Variants in PLXNA2 observed in about 807,000 individuals in gnomAD.
PLXNA2 encodes the protein plexin-A2.
In PLXNA2, 91 loss-of-function variants were observed where a neutral mutation model predicts 193.5. The ratio of observed to expected loss-of-function variants is 0.47; its 90% CI spans 0.40 to 0.56. The LOEUF is 0.56. Ranked by LOEUF, PLXNA2 falls within the 20% of genes least tolerant of loss-of-function variation. PLXNA2 has a pLI of 0.00. For synonymous variants in PLXNA2, 997 were observed against 1,027.3 expected, an observed-to-expected ratio of 0.97 and a Z score of 0.56; for missense variants, 1,995 against 2,503.2, an observed-to-expected ratio of 0.80 and a Z score of 4.33.
chr1:208,232,791 C>T (rs1035569038), intron 1 of PLXNA2, among the ~76,000 whole-genome samples: 3 of 152,194 alleles, frequency 2.0e-5, no homozygotes, highest in Non-Finnish European at 4.4e-5. Flanking sequence ...GCACCCTGCT[C>T]GGTGGAGACT....
chr1:208,132,281 G>A (rs1668180643), intron 4 of PLXNA2, among the ~76,000 whole-genome samples: 1 of 152,208 alleles, frequency 6.6e-6, no homozygotes, highest in Admixed American at 6.5e-5. Flanking sequence ...AGCCCAGAAA[G>A]CCGCCTCTGA....
intron 3 of PLXNA2, among the ~76,000 whole-genome samples, chr1:208,155,502 A>G (rs1346971625): frequency 6.6e-6 from 1 of 152,134 alleles, no homozygotes. Context: ...TTTTTCTCTT[A>G]AAAGAGTGCT....
chr1:208,027,971 G>T (rs781587107), intron 31 of PLXNA2, 38 bp downstream of exon 31: 1 of 1,521,498 alleles, frequency 6.6e-7, no homozygotes, highest in South Asian at 1.3e-5. Flanking sequence ...CCTGCTCCTT[G>T]CCTGTTGGTT....
Position 208,024,175 on chromosome 1 carries a change from T to C in PLXNA2, c.*3068A>G, listed in dbSNP as rs1340663957. ...ATCAATGAAACGAAGCGAAGCTGGA[T>C]AGACTTTGGAGAGAGACTTCCCTCT... On this transcript the variant is annotated 3_prime_UTR_variant, in exon 32 of 32. Coordinates refer to ENST00000367033, the MANE Select transcript of PLXNA2 (RefSeq NM_025179.4). 2 of 152,258 alleles carry C rather than the reference T, an allele frequency of 1.3e-5. No individual in the cohort carries two copies. The highest frequency in any genetic ancestry group is 2.9e-5 in the Non-Finnish European group (2 of 68,062). The allele number at this position is 152,258 out of a possible 1,614,324, so 9.4% of individuals were successfully genotyped here.
intron 3 of PLXNA2, among the ~76,000 whole-genome samples, chr1:208,161,729 C>G (rs1299156278): frequency 6.6e-6 from 1 of 152,136 alleles, no homozygotes; most frequent in Non-Finnish European, 1.5e-5. Flanking sequence ...AGAAGTGGTC[C>G]TGTTACTCTC....
chr1:208,120,244 CA>C (rs1260853967), intron 4 of PLXNA2, among the ~76,000 whole-genome samples: 1 of 152,092 alleles, frequency 6.6e-6, no homozygotes, highest in Non-Finnish European at 1.5e-5. Flanking sequence ...AAGAGCATAA[CA>C]AAGATGTGAA....
At chr1:208,208,964 T>G (rs1305078510) in intron 3 of PLXNA2, among the ~76,000 whole-genome samples, 1 of 152,176 alleles carries the variant, frequency 6.6e-6, no homozygotes, top group Non-Finnish European at 1.5e-5. Flanking sequence ...AAGCCACTTT[T>G]AAATCTTAGC....
intron 3 of PLXNA2, among the ~76,000 whole-genome samples, chr1:208,193,305 G>A (rs1429093167): frequency 6.6e-6 from 1 of 152,182 alleles, no homozygotes; most frequent in Non-Finnish European, 1.5e-5. Flanking sequence ...ATAGCCCTAG[G>A]GCCCCTTGGT....
intron 3 of PLXNA2, among the ~76,000 whole-genome samples, chr1:208,151,997 G>C (rs892606828): frequency 6.6e-6 from 1 of 152,208 alleles, no homozygotes; most frequent in African/African-American, 2.4e-5. Context: ...GACAAAGAAG[G>C]CCACCTGCAG....
intron 9 of PLXNA2, 46 bp from the exon 10 acceptor site, chr1:208,084,626 G>C: frequency 3.8e-6 from 6 of 1,576,262 alleles, no homozygotes; most frequent in Non-Finnish European, 5.2e-6. Context: ...TGTTCATGCT[G>C]TCCTATGTGC....
At chr1:208,210,147 C>T in intron 3 of PLXNA2, 133 bp downstream of exon 3, 1 of 914,646 alleles carries the variant, frequency 1.1e-6, no homozygotes, top group Non-Finnish European at 1.7e-6. Context: ...CTTCTTACCT[C>T]CCCATTTCAC....
intron 3 of PLXNA2, among the ~76,000 whole-genome samples, chr1:208,173,165 G>A (rs1226591378): frequency 1.3e-5 from 2 of 152,160 alleles, no homozygotes; most frequent in African/African-American, 4.8e-5. Context: ...AATCCTGTCG[G>A]TGCAAGATTA....
chr1:208,035,554 G>T (rs567028927), intron 26 of PLXNA2, among the ~76,000 whole-genome samples: 4 of 152,102 alleles, frequency 2.6e-5, no homozygotes, highest in African/African-American at 9.7e-5. Context: ...AGACATTTGG[G>T]GCCATTTTGA....
intron 3 of PLXNA2, among the ~76,000 whole-genome samples, chr1:208,159,443 C>T (rs977944239): frequency 5.3e-5 from 8 of 152,208 alleles, no homozygotes; most frequent in Non-Finnish European, 8.8e-5. Context: ...GCTAAAGTAC[C>T]AGGCTCCAGG....
At position 208,082,437 on chromosome 1, in the gene PLXNA2, G is replaced by A. The variant is rs1235614493; in HGVS notation, c.2370C>T (p.Ile790=). 6.2e-7 allele frequency: 1 copy of A among 1,613,958 alleles called. No homozygotes were observed. Among genetic ancestry groups the A allele is most frequent in the East Asian group, 2.2e-5 (1 of 44,890 alleles). The change falls in exon 11 of 32, where the codon ATC becomes ATT. Residue 790 remains isoleucine (I), a synonymous_variant. Coordinates refer to ENST00000367033, the MANE Select transcript of PLXNA2 (RefSeq NM_025179.4). The surrounding 1 kb of genome is among the most constrained non-coding windows in gnomAD (Gnocchi z 4.2). Reference sequence around the variant, plus strand: ...CTTTCAGGTCCTGAGGGTTGTCAATGATGAAATTGCCGTTCCACACCACAG... The same window carrying A: ...CTTTCAGGTCCTGAGGGTTGTCAATAATGAAATTGCCGTTCCACACCACAG... ...DFAVVWNGNF[I]IDNPQDLKVH... is the part of the protein sequence containing the mutation.
intron 13 of PLXNA2, among the ~76,000 whole-genome samples, chr1:208,059,961 C>G (rs1665563767): frequency 6.6e-6 from 1 of 152,156 alleles, no homozygotes; most frequent in African/African-American, 2.4e-5. Context: ...TCCCAGTACC[C>G]CCTGCAGAGC....
At chr1:208,188,114 C>T (rs965826848) in intron 3 of PLXNA2, among the ~76,000 whole-genome samples, 7 of 152,168 alleles carry the variant, frequency 4.6e-5, no homozygotes, top group East Asian at 1.9e-4. Flanking sequence ...CCCCAGATCA[C>T]GTCTTGAGGG....
At chr1:208,040,216 C>A in intron 22 of PLXNA2, 158 bp from the exon 23 acceptor site, 1 of 626,772 alleles carries the variant, frequency 1.6e-6, no homozygotes, top group Non-Finnish European at 2.9e-6. Flanking sequence ...CACCCAGTAA[C>A]TAGACTGTGA....
chr1:208,210,233 C>A, intron 3 of PLXNA2, 47 bp downstream of exon 3: 1 of 1,590,262 alleles, frequency 6.3e-7, no homozygotes, highest in Non-Finnish European at 8.6e-7. Flanking sequence ...GGACTCTTTG[C>A]TGAGGAGGTG....
Sources: allele counts gnomAD v4.1 joint callset (sites outside exome capture counted in the v4.1 genomes callset), GRCh38; gene constraint gnomAD v4.1.1; non-coding constraint Gnocchi (gnomAD v3.1); transcripts MANE v1.5; gene names NCBI Gene and HGNC (gene_info 2026-07-23, HGNC 2026-07-21).